CDYL2: variants seen among roughly 807,000 people sequenced by gnomAD.
CDYL2 encodes the protein chromodomain Y-like protein 2.
CDYL2 carries 23 observed loss-of-function variants against 49.4 expected under a neutral mutation model. The ratio of observed to expected loss-of-function variants is 0.47; its 90% CI spans 0.34 to 0.66. The LOEUF is 0.66. CDYL2 is among the 30% of genes least tolerant of loss of function. The pLI, the probability that CDYL2 is intolerant of heterozygous loss-of-function variation, is 0.01. For missense variants in CDYL2, 678 were observed against 656.4 expected, an observed-to-expected ratio of 1.03 and a Z score of -0.36; for synonymous variants, 360 against 268.8, an observed-to-expected ratio of 1.34 and a Z score of -3.32.
intron 1 of CDYL2, among the ~76,000 whole-genome samples, chr16:80,779,845 G>A (rs1200369755): frequency 6.6e-6 from 1 of 152,086 alleles, no homozygotes. Context: ...GGTGAACACT[G>A]CTAAATTAAC....
At chr16:80,677,957 C>T (rs972777970) in intron 2 of CDYL2, among the ~76,000 whole-genome samples, 23 of 151,728 alleles carry the variant, frequency 1.5e-4, no homozygotes, top group African/African-American at 4.1e-4. Flanking sequence ...AATAACGTTG[C>T]ATATCTACAA....
At chr16:80,639,686 T>C (rs559486264) in intron 2 of CDYL2, 5 of 455,976 alleles carry the variant, frequency 1.1e-5, no homozygotes, top group African/African-American at 8.0e-5. Context: ...CGGTTTTAAC[T>C]TCATATTGCT....
chr16:80,683,669 G>A (rs964211571), intron 2 of CDYL2, among the ~76,000 whole-genome samples: 2 of 152,182 alleles, frequency 1.3e-5, no homozygotes, highest in African/African-American at 4.8e-5. Context: ...CCACAACACA[G>A]TCACAGCATT....
chr16:80,633,297 G>A, intron 2 of CDYL2, 61 bp from the exon 3 acceptor site: 1 of 1,525,594 alleles, frequency 6.6e-7, no homozygotes. Flanking sequence ...AGAAGGATGT[G>A]ATCAGAGGAC....
At chr16:80,630,147 C>T (rs13335681) in intron 3 of CDYL2, among the ~76,000 whole-genome samples, 1 of 152,130 alleles carries the variant, frequency 6.6e-6, no homozygotes, top group African/African-American at 2.4e-5. Context: ...AGCTGGCTCA[C>T]CCACATACTC....
chr16:80,646,004 A>AGG (rs1908326387), intron 2 of CDYL2, among the ~76,000 whole-genome samples: 1 of 21,280 alleles, frequency 4.7e-5, no homozygotes, highest in Non-Finnish European at 8.9e-5. Flanking sequence ...GGGAGGGGGG[A>AGG]GGGGGGAGGG....
chr16:80,647,514 C>T (rs1263144162), intron 2 of CDYL2, among the ~76,000 whole-genome samples: 2 of 152,102 alleles, frequency 1.3e-5, no homozygotes, highest in East Asian at 1.9e-4. Flanking sequence ...TATATATATG[C>T]ACCCAACACT....
intron 1 of CDYL2, among the ~76,000 whole-genome samples, chr16:80,780,422 G>A (rs904267005): frequency 4.9e-5 from 1 of 20,556 alleles, no homozygotes; most frequent in Non-Finnish European, 9.5e-5. Flanking sequence ...TTTTTTTTTT[G>A]CAGACAGAGT....
intron 6 of CDYL2, among the ~76,000 whole-genome samples, chr16:80,607,633 C>G (rs1352073073): frequency 6.6e-6 from 1 of 152,250 alleles, no homozygotes; most frequent in Non-Finnish European, 1.5e-5. Flanking sequence ...TTCAGTGCAT[C>G]TTCAAACAGT....
At chr16:80,619,670 G>C (rs970359688) in intron 4 of CDYL2, among the ~76,000 whole-genome samples, 1 of 152,206 alleles carries the variant, frequency 6.6e-6, no homozygotes, top group African/African-American at 2.4e-5. Context: ...CAGGAAGCCT[G>C]TGCCTCCATA....
intron 2 of CDYL2, among the ~76,000 whole-genome samples, chr16:80,652,327 C>T (rs1368465988): frequency 2.0e-5 from 3 of 152,034 alleles, no homozygotes; most frequent in Non-Finnish European, 4.4e-5. Context: ...GACACACGAG[C>T]CACCTAAAAG....
chr16:80,653,899 G>A (rs1488612290), intron 2 of CDYL2, among the ~76,000 whole-genome samples: 1 of 152,200 alleles, frequency 6.6e-6, no homozygotes, highest in Non-Finnish European at 1.5e-5. Context: ...TCCAGGCTTT[G>A]AGAGCCAGGA....
At chr16:80,619,767 G>A (rs991667561) in intron 4 of CDYL2, among the ~76,000 whole-genome samples, 14 of 152,276 alleles carry the variant, frequency 9.2e-5, no homozygotes, top group Middle Eastern at 3.4e-3. Context: ...CGGGTATTTC[G>A]GAGCAGGGGC....
intron 1 of CDYL2, among the ~76,000 whole-genome samples, chr16:80,703,813 C>G (rs1229715288): frequency 1.3e-5 from 2 of 152,162 alleles, no homozygotes. Flanking sequence ...CCAGACCACA[C>G]CTGGCCTTGC....
At position 80,612,594 on chromosome 16, in the gene CDYL2, G is replaced by A; in HGVS notation, c.1218+32C>T. The A allele has an allele frequency of 6.4e-7, 1 of 1,565,342 alleles. No individual in the cohort carries two copies. Among genetic ancestry groups the A allele is most frequent in the Non-Finnish European group, 8.7e-7 (1 of 1,153,688 alleles). ...CCAAGGCAGAGGAAGGATCCTGCTG[G>A]GACCCGAATCCAGGTATCACAGGAG... is the stretch of plus-strand genomic sequence containing the variant. On this transcript the variant is annotated intron_variant, in intron 5 of 6. Coordinates refer to ENST00000570137, the MANE Select transcript of CDYL2 (RefSeq NM_152342.4). The surrounding 1 kb of genome is among the most constrained non-coding windows in gnomAD (Gnocchi z 5.0).
At position 80,600,805 on chromosome 16, in the gene CDYL2, T is replaced by G. The variant is rs1906049332; in HGVS notation, c.*3583A>C. On this transcript the variant is annotated 3_prime_UTR_variant, in exon 7 of 7. Transcript: ENST00000570137. ...CAAATAAAAAAAAAGTTTACAAAAT[T>G]TTTAAAACCAAAAATTAATGGGAAA... 6.6e-6 allele frequency: 1 copy of G among 152,200 alleles called. No homozygotes were observed. The highest frequency in any genetic ancestry group is 2.4e-5 in the African/African-American group (1 of 41,446). 9.4% of individuals were successfully genotyped at this position (152,200 alleles called of 1,614,324 possible). A position where few individuals can be genotyped will look rare whatever the true frequency, so the allele number is the denominator to read the frequency against.
intron 2 of CDYL2, among the ~76,000 whole-genome samples, chr16:80,667,999 A>G (rs977834343): frequency 1.3e-5 from 2 of 152,254 alleles, no homozygotes; most frequent in Non-Finnish European, 2.9e-5. Flanking sequence ...AAGGAACATG[A>G]GAAGATGCTC....
intron 1 of CDYL2, among the ~76,000 whole-genome samples, chr16:80,775,563 A>G (rs372889737): frequency 1.3e-5 from 2 of 151,906 alleles, no homozygotes; most frequent in South Asian, 2.1e-4. Context: ...AAGCATATAT[A>G]TAACTACTAG....
chr16:80,715,421 C>A (rs986047565), intron 1 of CDYL2, among the ~76,000 whole-genome samples: 19 of 152,092 alleles, frequency 1.2e-4, no homozygotes, highest in African/African-American at 4.6e-4. Flanking sequence ...ACCAGAGGGC[C>A]CTCATCCTTA....
Sources: gnomAD v4.1 joint callset for allele counts (sites outside exome capture counted in the v4.1 genomes callset) on GRCh38, gnomAD v4.1.1 for gene constraint, Gnocchi (gnomAD v3.1) non-coding constraint, MANE v1.5 for transcripts, NCBI Gene and HGNC (gene_info 2026-07-23, HGNC 2026-07-21) for gene names.